Variants in CC2D2B observed in about 807,000 individuals in gnomAD.
The protein encoded by CC2D2B is coiled-coil and C2 domain containing 2B, also known as protein CC2D2B.
A neutral mutation model predicts 161.2 loss-of-function variants in CC2D2B; 128 were observed. That is an observed-to-expected ratio of 0.79 (90% CI 0.69 to 0.92). The LOEUF (loss-of-function observed/expected upper bound fraction) is 0.92. CC2D2B is among the 40% of genes least tolerant of loss of function. CC2D2B has a pLI of 0.00. For synonymous variants in CC2D2B, 391 were observed against 449.8 expected (o/e 0.87, Z 1.65); for missense variants, 1,173 against 1,375.1 (o/e 0.85, Z 2.32).
chr10:95,974,706 C>G (rs1024366358), intron 17 of CC2D2B, among the ~76,000 whole-genome samples: 1 of 151,936 alleles, frequency 6.6e-6, no homozygotes, highest in African/African-American at 2.4e-5. Context: ...AAAAAGATAT[C>G]CTCTCCCCTC....
intron 25 of CC2D2B, among the ~76,000 whole-genome samples, chr10:96,006,048 C>G (rs1486810754): frequency 3.7e-5 from 5 of 133,840 alleles, no homozygotes; most frequent in Admixed American, 7.7e-5. Context: ...AGATGTTTGC[C>G]TATTCTTTAA....
chr10:95,913,897 T>C (rs2098511072), intron 2 of CC2D2B, among the ~76,000 whole-genome samples: 1 of 152,194 alleles, frequency 6.6e-6, no homozygotes, highest in Non-Finnish European at 1.5e-5. Flanking sequence ...TTGCATATAT[T>C]TTCTCCCATT....
intron 10 of CC2D2B, among the ~76,000 whole-genome samples, chr10:95,953,123 G>T (rs2076458655): frequency 6.6e-6 from 1 of 152,046 alleles, no homozygotes; most frequent in Non-Finnish European, 1.5e-5. Context: ...GTCCATAAAA[G>T]AAGTATGTCT....
chr10:95,999,076 G>A (rs138914723), intron 24 of CC2D2B, among the ~76,000 whole-genome samples: 3 of 152,116 alleles, frequency 2.0e-5, no homozygotes, highest in East Asian at 1.9e-4. Context: ...AGGAGACTCC[G>A]TCTCAAAGAA....
intron 17 of CC2D2B, among the ~76,000 whole-genome samples, chr10:95,975,055 C>T (rs962088449): frequency 1.3e-5 from 2 of 152,074 alleles, no homozygotes; most frequent in Non-Finnish European, 2.9e-5. Context: ...ACCACTCCAG[C>T]GAGGGATGTT....
intron 34 of CC2D2B, among the ~76,000 whole-genome samples, chr10:96,030,357 T>C (rs533745406): frequency 1.3e-5 from 2 of 152,144 alleles, no homozygotes; most frequent in African/African-American, 4.8e-5. Flanking sequence ...GCTCTGGGCA[T>C]CCTTTCACCT....
intron 2 of CC2D2B, among the ~76,000 whole-genome samples, chr10:95,916,085 T>C (rs2098515815): frequency 6.6e-6 from 1 of 152,162 alleles, no homozygotes; most frequent in Non-Finnish European, 1.5e-5. Flanking sequence ...TTACTTATTA[T>C]TGGTCTATTC....
chr10:95,958,309 T>C (rs961808446), intron 11 of CC2D2B, among the ~76,000 whole-genome samples: 5 of 152,094 alleles, frequency 3.3e-5, no homozygotes, highest in Non-Finnish European at 7.4e-5. Flanking sequence ...GTAGTTAACA[T>C]GGTGAAACCC....
chr10:96,001,679 G>A (rs1590829878), intron 24 of CC2D2B, among the ~76,000 whole-genome samples: 1 of 152,160 alleles, frequency 6.6e-6, no homozygotes, highest in East Asian at 1.9e-4. Context: ...GGAACTATAA[G>A]GAAGCACACC....
intron 6 of CC2D2B, among the ~76,000 whole-genome samples, chr10:95,934,826 C>T (rs919802157): frequency 1.3e-5 from 2 of 152,104 alleles, no homozygotes; most frequent in Non-Finnish European, 2.9e-5. Flanking sequence ...TGGAGCTGTT[C>T]CTATTCCGCC....
At chr10:95,965,087 C>A (rs1231227648) in intron 12 of CC2D2B, among the ~76,000 whole-genome samples, 2 of 152,090 alleles carry the variant, frequency 1.3e-5, no homozygotes, top group African/African-American at 2.4e-5. Flanking sequence ...ACATTCCCAA[C>A]AGAGCATGTA....
At chr10:95,977,796 T>C (rs1024735972) in intron 17 of CC2D2B, among the ~76,000 whole-genome samples, 4 of 152,250 alleles carry the variant, frequency 2.6e-5, no homozygotes, top group African/African-American at 9.6e-5. Context: ...CATTGCTATT[T>C]ATAAGTCTGC....
At chr10:95,974,546 T>G (rs2141527382) in intron 17 of CC2D2B, among the ~76,000 whole-genome samples, 1 of 152,312 alleles carries the variant, frequency 6.6e-6, no homozygotes, top group South Asian at 2.1e-4. Context: ...ATTTTCAGAT[T>G]AATTATTTGT....
In CC2D2B at chr10:95,991,434, A is replaced by G. The variant is rs2077951929; in HGVS notation, c.2444A>G (p.Asn815Ser). The change falls in exon 21 of 35, where the codon AAT becomes AGT. Residue 815 changes from asparagine (N) to serine (S), a missense_variant. Transcript: ENST00000646931. ...ISKCNLSDIV[N>S]DYEEIVSTSQ... is the part of the protein sequence containing the mutation. ...AAATGTAACTTGTCAGATATTGTGA[A>G]TGATTATGAAGAAATTGTATCTACA... 8.9e-7 allele frequency: 1 copy of G among 1,122,268 alleles called. No homozygotes were observed. The highest frequency in any genetic ancestry group is 4.6e-5 in the South Asian group (1 of 21,868). 69.5% of individuals were successfully genotyped at this position (1,122,268 alleles called of 1,614,324 possible). A position where few individuals can be genotyped will look rare whatever the true frequency, so the allele number is the denominator to read the frequency against.
At chr10:95,938,279 A>T in intron 7 of CC2D2B, 90 bp downstream of exon 7, 4 of 848,430 alleles carry the variant, frequency 4.7e-6, no homozygotes, top group Non-Finnish European at 7.3e-6. Context: ...AATAAAAAAT[A>T]CTGATCTAAA....
chr10:95,932,036 G>T (rs1337250357), intron 6 of CC2D2B, among the ~76,000 whole-genome samples: 2 of 152,116 alleles, frequency 1.3e-5, no homozygotes, highest in Non-Finnish European at 2.9e-5. Flanking sequence ...GGTCTCTAAG[G>T]ACTTGCTTTA....
chr10:95,950,184 A>C, intron 10 of CC2D2B, 79 bp downstream of exon 10: 1 of 397,492 alleles, frequency 2.5e-6, no homozygotes, highest in Non-Finnish European at 4.4e-6. Flanking sequence ...AAATTATCAG[A>C]ACATTTTCTA....
intron 17 of CC2D2B, among the ~76,000 whole-genome samples, chr10:95,976,366 A>T (rs563321851): frequency 3.7e-4 from 57 of 152,262 alleles, no homozygotes; most frequent in Admixed American, 1.3e-3. Context: ...TACAATTCCT[A>T]TTACTTGGAA....
At position 96,003,546 on chromosome 10, in the gene CC2D2B, G is replaced by A. The variant is rs539699734; in HGVS notation, c.2850-606G>A. Among the ~76,000 whole-genome samples the A allele has an allele frequency of 4.0e-5, 6 of 151,576 alleles. No homozygotes were observed. In the East Asian group the frequency reaches 9.7e-4, roughly 25 times the overall value. ...CGATTCTCCTGCCTCAGCCTCCTGA[G>A]TAGCTGGGATTACAACCGCCTGCCA... On this transcript the variant is annotated intron_variant, in intron 24 of 34. Transcript: ENST00000646931.
Sources: gnomAD v4.1 joint callset for allele counts (sites outside exome capture counted in the v4.1 genomes callset) on GRCh38, gnomAD v4.1.1 for gene constraint, MANE v1.5 for transcripts, NCBI Gene and HGNC (gene_info 2026-07-23, HGNC 2026-07-21) for gene names.